The following MORF4L2 variants were observed in gnomAD, a reference collection of about 807,000 sequenced individuals.
MORF4L2 encodes the protein mortality factor 4-like protein 2.
A neutral mutation model predicts 12.0 loss-of-function variants in MORF4L2; 1 was observed. The observed-to-expected ratio is 0.08, with a 90% CI of 0.03 to 0.40. MORF4L2 has a LOEUF of 0.40. Among genes scored for constraint, MORF4L2 ranks in the 10% least tolerant of loss-of-function variants. The probability of loss-of-function intolerance (pLI) is 0.98; values close to 1 mark genes in which losing one functional copy is unlikely to be tolerated. For missense variants in MORF4L2, 123 were observed against 214.0 expected (o/e 0.57, Z 2.65); for synonymous variants, 69 against 81.6 (o/e 0.85, Z 0.83).
chrX:103,679,338 T>G (rs1219887984), intron 2 of MORF4L2, among the ~76,000 whole-genome samples: 1 of 59,455 alleles, frequency 1.7e-5, no homozygotes, highest in Non-Finnish European at 2.9e-5. Flanking sequence ...ACCCTGTCTC[T>G]ACTAAAAATA....
chrX:103,681,563 T>C (rs1241042015), intron 2 of MORF4L2, among the ~76,000 whole-genome samples: 1 of 111,308 alleles, frequency 9.0e-6, no homozygotes, highest in East Asian at 2.8e-4. Flanking sequence ...TGCTCTCGCT[T>C]CCTTTTGTTC....
At chrX:103,686,134 C>G (rs1386978809) in intron 1 of MORF4L2, among the ~76,000 whole-genome samples, 4 of 103,819 alleles carry the variant, frequency 3.9e-5, no homozygotes, top group South Asian at 9.3e-4. Context: ...TCCCCCCCCC[C>G]CCACCTTTTA....
chrX:103,680,207 T>TGC (rs2073958710), intron 2 of MORF4L2, among the ~76,000 whole-genome samples: 4 of 111,802 alleles, frequency 3.6e-5, no homozygotes, highest in African/African-American at 1.3e-4. Flanking sequence ...AATAAATAAA[T>TGC]ATGCATGCAT....
intron 2 of MORF4L2, among the ~76,000 whole-genome samples, chrX:103,679,349 C>CAAAAAAAAAA (rs35036219): frequency 1.6e-5 from 1 of 63,302 alleles, no homozygotes; most frequent in African/African-American, 6.0e-5. Flanking sequence ...ACTAAAAATA[C>CAAAAAAAAAA]AAAAAAAAAA....
chrX:103,686,338 T>C (rs1367376336), intron 1 of MORF4L2, among the ~76,000 whole-genome samples: 1 of 111,871 alleles, frequency 8.9e-6, no homozygotes, highest in East Asian at 2.8e-4. Context: ...CTATTACGCG[T>C]ATTATTTATC....
intron 3 of MORF4L2, among the ~76,000 whole-genome samples, chrX:103,677,370 G>C (rs1229996393): frequency 2.7e-5 from 3 of 112,032 alleles, no homozygotes; most frequent in Non-Finnish European, 5.6e-5. Flanking sequence ...AAAGACAGTG[G>C]AGTTGAAATT....
chrX:103,679,163 A>T (rs1430284189), intron 2 of MORF4L2, among the ~76,000 whole-genome samples: 3 of 110,368 alleles, frequency 2.7e-5, no homozygotes, highest in African/African-American at 9.9e-5. Context: ...TATTAGGTAA[A>T]TAGGCAGTGG....
At chrX:103,677,645 A>C (rs2073878510) in intron 3 of MORF4L2, among the ~76,000 whole-genome samples, 1 of 112,418 alleles carries the variant, frequency 8.9e-6, no homozygotes, top group Admixed American at 9.4e-5. Context: ...TGGAATCAGA[A>C]ATAAAATGAC....
intron 2 of MORF4L2, chrX:103,684,551 T>G (rs1315531109): frequency 8.9e-6 from 1 of 112,189 alleles, no homozygotes; most frequent in Non-Finnish European, 1.9e-5. Flanking sequence ...GTATTAATTA[T>G]TATTTTTTTT....
chrX:103,684,451 TA>T (rs2074054058), intron 2 of MORF4L2, among the ~76,000 whole-genome samples: 1 of 112,325 alleles, frequency 8.9e-6, no homozygotes, highest in South Asian at 3.6e-4. Flanking sequence ...GAAACCTTTC[TA>T]GATTGTTAAG....
chrX:103,685,948 C>A (rs1044993379), intron 1 of MORF4L2, among the ~76,000 whole-genome samples: 3 of 111,390 alleles, frequency 2.7e-5, no homozygotes, highest in Non-Finnish European at 5.6e-5. Flanking sequence ...CCTAAAAAAA[C>A]TGACATCAAT....
chrX:103,680,766 T>G (rs1201512376), intron 2 of MORF4L2, among the ~76,000 whole-genome samples: 1 of 112,383 alleles, frequency 8.9e-6, no homozygotes, highest in African/African-American at 3.2e-5. Flanking sequence ...AAGGTAATTT[T>G]ATACAGTATT....
At chrX:103,686,337 G>A (rs1045164140) in intron 1 of MORF4L2, among the ~76,000 whole-genome samples, 3 of 111,473 alleles carry the variant, frequency 2.7e-5, no homozygotes, top group Admixed American at 9.5e-5. Flanking sequence ...TCTATTACGC[G>A]TATTATTTAT....
chrX:103,679,860 C>CAAA (rs1157909391), intron 2 of MORF4L2, among the ~76,000 whole-genome samples: 9 of 47,695 alleles, frequency 1.9e-4, no homozygotes, highest in Admixed American at 3.1e-4. Context: ...CACCTGTGGG[C>CAAA]AAAAAAAAAA....
At chrX:103,687,067 T>A (rs780040827), upstream of MORF4L2, among the ~76,000 whole-genome samples, 1 of 109,011 alleles carries the variant, frequency 9.2e-6, no homozygotes, top group East Asian at 2.9e-4. Context: ...CGACCCAGAG[T>A]TCCTCTGACC....
intron 2 of MORF4L2, among the ~76,000 whole-genome samples, chrX:103,682,411 T>C (rs1319551637): frequency 8.9e-6 from 1 of 112,097 alleles, no homozygotes; most frequent in Non-Finnish European, 1.9e-5. Flanking sequence ...ATAACTTTGA[T>C]GAGATAGAGC....
chrX:103,676,255 T>A lies in MORF4L2; in HGVS notation c.773A>T (p.Asp258Val). ...SLALLLGYLH[D>V]FLKYLAKNSA... is the part of the protein sequence containing the mutation. ...ATTCTTTGCCAGATATTTTAGGAAA[T>A]CATGCAAATAGCCCAACAATAATGC... is the stretch of plus-strand genomic sequence containing the variant. Residue 258 changes from aspartate (D) to valine (V), a missense_variant, in exon 4 of 4, where the codon GAT becomes GTT. By Grantham distance (152) the Asp-to-Val change is radical (BLOSUM62 -3). Coordinates refer to ENST00000441076, the MANE Select transcript of MORF4L2 (RefSeq NM_012286.3). 1 of 1,210,941 alleles carries A rather than the reference T, an allele frequency of 8.3e-7. No homozygotes were observed. Among genetic ancestry groups the A allele is most frequent in the Non-Finnish European group, 1.1e-6 (1 of 894,955 alleles).
chrX:103,683,323 C>G (rs1265803962), intron 2 of MORF4L2, among the ~76,000 whole-genome samples: 1 of 112,229 alleles, frequency 8.9e-6, no homozygotes, highest in African/African-American at 3.2e-5. Context: ...TCCCAAAGTG[C>G]TGGGATTACA....
chrX:103,675,935 G>A lies in MORF4L2; in HGVS notation c.*226C>T. Reference sequence around the variant, plus strand: ...TAGGCAATAAAATGTTCTACTGAATGTTTCTTCTTTGTTCTAATTACTGCA... The same window carrying A: ...TAGGCAATAAAATGTTCTACTGAATATTTCTTCTTTGTTCTAATTACTGCA... On this transcript the variant is annotated 3_prime_UTR_variant, in exon 4 of 4. Transcript: ENST00000441076. 3.0e-6 allele frequency: 1 copy of A among 335,839 alleles called. No individual in the cohort carries two copies. Among genetic ancestry groups the A allele is most frequent in the Non-Finnish European group, 5.1e-6 (1 of 196,180 alleles). 27.7% of individuals were successfully genotyped at this position (335,839 alleles called of 1,213,427 possible).
Sources: allele counts gnomAD v4.1 joint callset (sites outside exome capture counted in the v4.1 genomes callset), GRCh38; gene constraint gnomAD v4.1.1; transcripts MANE v1.5; gene names NCBI Gene and HGNC (gene_info 2026-07-23, HGNC 2026-07-21).